The following FAT3 variants were observed in gnomAD, a reference collection of about 807,000 sequenced individuals.
FAT3 encodes the protein FAT atypical cadherin 3, also known as protocadherin Fat 3.
Under a neutral mutation model 310.2 loss-of-function variants are expected in FAT3, and 95 were observed. The observed-to-expected ratio is 0.31, with a 90% CI of 0.26 to 0.36. The LOEUF (loss-of-function observed/expected upper bound fraction) is 0.36. Ranked by LOEUF, FAT3 falls within the 10% of genes least tolerant of loss-of-function variation. The probability of loss-of-function intolerance (pLI) is 1.00; values close to 1 mark genes in which losing one functional copy is unlikely to be tolerated. For missense variants in FAT3, 5,408 were observed against 5,715.6 expected (o/e 0.95, Z 1.74); for synonymous variants, 2,314 against 2,192.9 (o/e 1.06, Z -1.54).
chr11:92,798,278 C>A lies in FAT3; in HGVS notation c.5265C>A (p.Val1755=). The part of the protein sequence containing the change: ...NMAGMASNAT[V]NIQIVDENDN... Reference sequence around the variant, plus strand: ...CAGGAATGGCTTCCAATGCTACAGTCAATATTCAGATTGTTGATGAAAATG... The same window carrying A: ...CAGGAATGGCTTCCAATGCTACAGTAAATATTCAGATTGTTGATGAAAATG... Residue 1755 remains valine, a synonymous_variant, in exon 10 of 28, where the codon GTC becomes GTA. Coordinates refer to ENST00000525166, the MANE Select transcript of FAT3 (RefSeq NM_001367949.2). 2 of 1,613,784 alleles carry A rather than the reference C, an allele frequency of 1.2e-6. No homozygotes were observed. Among genetic ancestry groups the A allele is most frequent in the South Asian group, 2.2e-5 (2 of 91,016 alleles).
chr11:92,848,933 A>C (rs1948750783), intron 19 of FAT3, among the ~76,000 whole-genome samples: 1 of 152,244 alleles, frequency 6.6e-6, no homozygotes, highest in South Asian at 2.1e-4. Flanking sequence ...CATGAGAGCC[A>C]AGGCATGGAG....
chr11:92,580,728 G>A (rs1938745661), intron 3 of FAT3, among the ~76,000 whole-genome samples: 1 of 152,098 alleles, frequency 6.6e-6, no homozygotes, highest in Non-Finnish European at 1.5e-5. Flanking sequence ...CCTGTTTCAT[G>A]TATTCAAACT....
chr11:92,244,529 C>T (rs1187200816), intron 1 of FAT3, among the ~76,000 whole-genome samples: 1 of 152,066 alleles, frequency 6.6e-6, no homozygotes, highest in African/African-American at 2.4e-5. Context: ...TAATTTACAG[C>T]AAGCACAGTA....
At chr11:92,494,338 A>C (rs940750351) in intron 2 of FAT3, among the ~76,000 whole-genome samples, 1 of 151,994 alleles carries the variant, frequency 6.6e-6, no homozygotes, top group Non-Finnish European at 1.5e-5. Flanking sequence ...CTTAGGGATA[A>C]TGCATTTGGC....
At chr11:92,495,706 A>C (rs560776621) in intron 2 of FAT3, among the ~76,000 whole-genome samples, 1 of 152,054 alleles carries the variant, frequency 6.6e-6, no homozygotes, top group Non-Finnish European at 1.5e-5. Flanking sequence ...TCAGCTTTAC[A>C]TTGCAGAGAA....
chr11:92,524,070 G>A (rs530120572), intron 2 of FAT3, among the ~76,000 whole-genome samples: 2 of 152,064 alleles, frequency 1.3e-5, no homozygotes, highest in Admixed American at 6.5e-5. Context: ...TTTCATTTTC[G>A]GGGAAAAAGT....
intron 22 of FAT3, among the ~76,000 whole-genome samples, chr11:92,879,626 A>T (rs2136392760): frequency 6.6e-6 from 1 of 152,348 alleles, no homozygotes; most frequent in Middle Eastern, 3.4e-3. Flanking sequence ...CATAATGCAA[A>T]CACTGCATTG....
At chr11:92,559,520 G>A in intron 3 of FAT3, 1 of 343,574 alleles carries the variant, frequency 2.9e-6, no homozygotes. Context: ...GAGTAGCTGG[G>A]ACTATAGGCA....
chr11:92,378,690 G>T (rs1027192199), intron 2 of FAT3, among the ~76,000 whole-genome samples: 10 of 152,012 alleles, frequency 6.6e-5, no homozygotes, highest in African/African-American at 2.4e-4. Flanking sequence ...TAGTCCATTG[G>T]GATTGCTATA....
rs1863837148 is a variant in FAT3, at chr11:92,224,903, G to C, written c.-289G>C. On this transcript the variant is annotated 5_prime_UTR_variant, in exon 1 of 28. Coordinates refer to ENST00000525166, the MANE Select transcript of FAT3 (RefSeq NM_001367949.2). ...TGCGCTGTGAACTGGCCTGCGGATT[G>C]GGATCTCGCGCCTCCCGTCCCTCTC... 6.6e-6 allele frequency among the ~76,000 whole-genome samples: 1 copy of C among 152,100 alleles called. No individual in the cohort carries two copies. Among genetic ancestry groups the C allele is most frequent in the Admixed American group, 6.5e-5 (1 of 15,284 alleles).
Position 92,719,605 on chromosome 11 carries a change from A to G in FAT3, c.3669+22160A>G, listed in dbSNP as rs902561150. On this transcript the variant is annotated intron_variant, in intron 4 of 27. Transcript: ENST00000525166. ...TATTACTTAGGAAACAAAGACAAGA[A>G]AAAACAGTCTGTACATACATGTTCA... Among the ~76,000 whole-genome samples the G allele has an allele frequency of 4.7e-5, 7 of 150,406 alleles. No individual in the cohort carries two copies. The Admixed American group carries it at 4.7e-4, about 10-fold the overall frequency.
At chr11:92,253,064 A>C (rs1205694629) in intron 1 of FAT3, among the ~76,000 whole-genome samples, 1 of 151,786 alleles carries the variant, frequency 6.6e-6, no homozygotes, top group African/African-American at 2.4e-5. Context: ...AATTATTGCC[A>C]CCCCTTCCTT....
chr11:92,580,387 A>G (rs571555868), intron 3 of FAT3, among the ~76,000 whole-genome samples: 35 of 152,190 alleles, frequency 2.3e-4, no homozygotes, highest in South Asian at 8.3e-4. Context: ...GTGCCTGTCA[A>G]AAGTCTTACC....
intron 2 of FAT3, among the ~76,000 whole-genome samples, chr11:92,469,912 C>T (rs1951864633): frequency 6.6e-6 from 1 of 152,120 alleles, no homozygotes; most frequent in Non-Finnish European, 1.5e-5. Flanking sequence ...TTAATCAAGA[C>T]TTTAGAGTTT....
chr11:92,569,230 G>C (rs1037796392), intron 3 of FAT3, among the ~76,000 whole-genome samples: 6 of 152,074 alleles, frequency 3.9e-5, no homozygotes, highest in Non-Finnish European at 7.4e-5. Context: ...ACCTCTTTGT[G>C]CCTTCATTTC....
At chr11:92,520,169 C>A (rs1027152281) in intron 2 of FAT3, among the ~76,000 whole-genome samples, 2 of 152,024 alleles carry the variant, frequency 1.3e-5, no homozygotes, top group African/African-American at 4.8e-5. Context: ...AAGGAATTAA[C>A]TATTGTTATA....
At chr11:92,393,764 T>C (rs968633107) in intron 2 of FAT3, among the ~76,000 whole-genome samples, 1 of 152,204 alleles carries the variant, frequency 6.6e-6, no homozygotes, top group Non-Finnish European at 1.5e-5. Flanking sequence ...AGAAGAATCA[T>C]TAAGCAGAAT....
At chr11:92,504,303 CT>C (rs1335929255) in intron 2 of FAT3, among the ~76,000 whole-genome samples, 1 of 152,076 alleles carries the variant, frequency 6.6e-6, no homozygotes, top group East Asian at 1.9e-4. Flanking sequence ...TTCCACCCAT[CT>C]TTTTTTCAAT....
At chr11:92,430,557 C>T (rs112106416) in intron 2 of FAT3, among the ~76,000 whole-genome samples, 32 of 151,728 alleles carry the variant, frequency 2.1e-4, no homozygotes, top group South Asian at 1.0e-3. Context: ...ATGTGTACAA[C>T]GTGCAGGTTA....
Sources: gnomAD v4.1 joint callset for allele counts (sites outside exome capture counted in the v4.1 genomes callset) on GRCh38, gnomAD v4.1.1 for gene constraint, MANE v1.5 for transcripts, NCBI Gene and HGNC (gene_info 2026-07-23, HGNC 2026-07-21) for gene names.